Variants in RIMS2 observed in about 807,000 individuals in gnomAD.
RIMS2 encodes the protein regulating synaptic membrane exocytosis protein 2.
Under a neutral mutation model 174.4 loss-of-function variants are expected in RIMS2, and 59 were observed. The observed-to-expected ratio is 0.34, with a 90% CI of 0.27 to 0.42. The LOEUF is 0.42. Among genes scored for constraint, RIMS2 ranks in the 10% least tolerant of loss-of-function variants. RIMS2 has a pLI of 1.00. For missense variants in RIMS2, 1,620 were observed against 1,666.3 expected, an observed-to-expected ratio of 0.97 and a Z score of 0.48; for synonymous variants, 606 against 572.5, an observed-to-expected ratio of 1.06 and a Z score of -0.84.
intron 14 of RIMS2, among the ~76,000 whole-genome samples, chr8:103,953,937 A>G (rs757278029): frequency 6.6e-6 from 1 of 152,174 alleles, no homozygotes; most frequent in African/African-American, 2.4e-5. Context: ...AGCAAAAAAA[A>G]AGCAGGGGTT....
chr8:103,585,073 G>A (rs886146125), intron 1 of RIMS2, among the ~76,000 whole-genome samples: 32 of 152,008 alleles, frequency 2.1e-4, no homozygotes, highest in African/African-American at 6.8e-4. Flanking sequence ...AAAAGAGCAG[G>A]AGTCTGTTGA....
chr8:104,171,339 A>C (rs546803372), intron 19 of RIMS2, among the ~76,000 whole-genome samples: 1 of 151,306 alleles, frequency 6.6e-6, no homozygotes, highest in Non-Finnish European at 1.5e-5. Context: ...TCATATTTCT[A>C]TTCTTTTTTC....
rs559747816 is a variant in RIMS2 at position 103,785,848 on chromosome 8, C to G, written c.698+19311C>G. Among the ~76,000 whole-genome samples, 591 of 152,310 alleles carry G rather than the reference C, an allele frequency of 3.9e-3. 5 individuals are homozygous for G. The highest frequency in any genetic ancestry group is 3.1e-3 in the Non-Finnish European group (213 of 68,026). On this transcript the variant is annotated intron_variant, in intron 3 of 23. Transcript: ENST00000504942. The stretch of plus-strand genomic sequence containing the variant: ...TGGAATAGTTTCAGAAGGAATGGTA[C>G]CAGTTCCTCCTTGTATCTCTGGTAG...
At chr8:104,001,284 A>G (rs1241204708) in intron 17 of RIMS2, among the ~76,000 whole-genome samples, 3 of 151,992 alleles carry the variant, frequency 2.0e-5, no homozygotes, top group Admixed American at 2.0e-4. Flanking sequence ...AGTGATGTAT[A>G]TCCCAATTAC....
At chr8:103,762,770 A>G (rs930151663) in intron 2 of RIMS2, among the ~76,000 whole-genome samples, 4 of 152,162 alleles carry the variant, frequency 2.6e-5, no homozygotes, top group African/African-American at 9.7e-5. Context: ...GTGTACTTAA[A>G]CAAATCTAGA....
intron 3 of RIMS2, among the ~76,000 whole-genome samples, chr8:103,882,214 T>C (rs1046413740): frequency 7.3e-5 from 11 of 151,508 alleles, no homozygotes; most frequent in Non-Finnish European, 1.3e-4. Flanking sequence ...GGCTTGTTTA[T>C]AAAGGCCAAT....
chr8:103,809,438 G>A (rs907537722), intron 3 of RIMS2, among the ~76,000 whole-genome samples: 15 of 151,924 alleles, frequency 9.9e-5, no homozygotes, highest in African/African-American at 3.6e-4. Flanking sequence ...TGTAAGGGCT[G>A]GATGGTGTCC....
At position 104,039,007 on chromosome 8, in the gene RIMS2, A is replaced by G. The variant is rs575795185; in HGVS notation, c.3334+24392A>G. ...ATCATTTTCAAAATATTTCATTTTC[A>G]TCACCTTATTAATCATATAAATTTT... On this transcript the variant is annotated intron_variant, in intron 19 of 23. Coordinates refer to ENST00000504942, the Ensembl canonical transcript of RIMS2. 2.0e-5 allele frequency among the ~76,000 whole-genome samples: 3 copies of G among 151,860 alleles called. No homozygotes were observed. The East Asian group carries it at 5.8e-4, about 29-fold the overall frequency.
At chr8:103,788,537 G>A (rs1187223164) in intron 3 of RIMS2, among the ~76,000 whole-genome samples, 1 of 151,508 alleles carries the variant, frequency 6.6e-6, no homozygotes, top group Non-Finnish European at 1.5e-5. Context: ...GCTGTGTGAG[G>A]TGTCAGTGTG....
intron 15 of RIMS2, among the ~76,000 whole-genome samples, chr8:103,969,923 A>AT (rs2092669830): frequency 1.3e-5 from 2 of 151,732 alleles, no homozygotes; most frequent in African/African-American, 2.4e-5. Context: ...TTATTTTTGT[A>AT]TTTTTTAGTA....
intron 19 of RIMS2, among the ~76,000 whole-genome samples, chr8:104,110,585 A>G (rs2098163592): frequency 6.6e-6 from 1 of 152,156 alleles, no homozygotes. Flanking sequence ...AAGTCTTTTT[A>G]AAATATTCCA....
chr8:103,514,916 A>G (rs1189680853), intron 1 of RIMS2, among the ~76,000 whole-genome samples: 1 of 133,896 alleles, frequency 7.5e-6, no homozygotes, highest in African/African-American at 3.9e-5. Context: ...CAACAACAAC[A>G]ACAAAAAAAC....
chr8:103,849,446 G>T (rs1228419743), intron 3 of RIMS2, among the ~76,000 whole-genome samples: 3 of 152,056 alleles, frequency 2.0e-5, no homozygotes, highest in Non-Finnish European at 4.4e-5. Context: ...GGAAACATGT[G>T]GTCTCAGGTA....
chr8:103,733,028 G>A (rs536885147), intron 2 of RIMS2, among the ~76,000 whole-genome samples: 2 of 152,128 alleles, frequency 1.3e-5, no homozygotes, highest in Non-Finnish European at 2.9e-5. Context: ...AGGCTGCAAT[G>A]TGCTGAGTAA....
At chr8:103,943,486 A>G (rs2083021419) in intron 14 of RIMS2, among the ~76,000 whole-genome samples, 1 of 152,160 alleles carries the variant, frequency 6.6e-6, no homozygotes, top group Non-Finnish European at 1.5e-5. Flanking sequence ...TAATACCTGC[A>G]TTACAGGGTA....
chr8:103,611,977 C>A (rs1207975687), intron 1 of RIMS2, among the ~76,000 whole-genome samples: 1 of 142,140 alleles, frequency 7.0e-6, no homozygotes. Flanking sequence ...TATTTTTTTT[C>A]TCTTTTGTCT....
intron 3 of RIMS2, among the ~76,000 whole-genome samples, chr8:103,809,712 C>T (rs564237168): frequency 6.6e-6 from 1 of 152,258 alleles, no homozygotes; most frequent in African/African-American, 2.4e-5. Flanking sequence ...AGGGCACCAA[C>T]AAGTGGGGAG....
At chr8:103,710,848 A>G (rs546802886) in intron 2 of RIMS2, among the ~76,000 whole-genome samples, 2 of 152,326 alleles carry the variant, frequency 1.3e-5, no homozygotes, top group East Asian at 1.9e-4. Context: ...TTTTATTTTT[A>G]GAAAGTGATT....
intron 19 of RIMS2, among the ~76,000 whole-genome samples, chr8:104,071,044 T>C (rs1221537511): frequency 1.3e-5 from 2 of 152,132 alleles, no homozygotes; most frequent in African/African-American, 4.8e-5. Flanking sequence ...ATCAGTTATA[T>C]GATTTACATT....
Sources: gnomAD v4.1 joint callset for allele counts (sites outside exome capture counted in the v4.1 genomes callset) on GRCh38, gnomAD v4.1.1 for gene constraint, MANE v1.5 for transcripts, NCBI Gene and HGNC (gene_info 2026-07-23, HGNC 2026-07-21) for gene names.